Variants in LCLAT1 observed in about 807,000 individuals in gnomAD.
The protein encoded by LCLAT1 is 1-AGP acyltransferase 8.
In LCLAT1, 11 loss-of-function variants were observed where a neutral mutation model predicts 30.7. The ratio of observed to expected loss-of-function variants is 0.36; its 90% CI spans 0.23 to 0.59. The LOEUF is 0.59. Ranked by LOEUF, LCLAT1 falls within the 20% of genes least tolerant of loss-of-function variation. The pLI is 0.77. For synonymous variants in LCLAT1, 155 were observed against 151.3 expected, an observed-to-expected ratio of 1.02 and a Z score of -0.18; for missense variants, 402 against 458.6, an observed-to-expected ratio of 0.88 and a Z score of 1.13.
At chr2:30,518,690 A>T (rs887622105) in intron 1 of LCLAT1, among the ~76,000 whole-genome samples, 7 of 152,052 alleles carry the variant, frequency 4.6e-5, no homozygotes, top group Admixed American at 6.5e-5. Flanking sequence ...CTTATACTCT[A>T]CTTTCCCAAA....
At chr2:30,570,997 A>C (rs1665753915) in intron 5 of LCLAT1, among the ~76,000 whole-genome samples, 1 of 152,200 alleles carries the variant, frequency 6.6e-6, no homozygotes, top group Admixed American at 6.5e-5. Context: ...TAAGACTCAC[A>C]AAGGGGCCCA....
intron 1 of LCLAT1, among the ~76,000 whole-genome samples, chr2:30,454,774 G>C (rs1681741505): frequency 6.6e-6 from 1 of 152,088 alleles, no homozygotes; most frequent in African/African-American, 2.4e-5. Flanking sequence ...TTTTAACATG[G>C]TGATTCATTA....
intron 1 of LCLAT1, among the ~76,000 whole-genome samples, chr2:30,469,320 A>C (rs1428298240): frequency 6.6e-6 from 1 of 151,880 alleles, no homozygotes; most frequent in African/African-American, 2.4e-5. Context: ...TGCCAAATCC[A>C]AGGTTGTGAA....
At chr2:30,598,250 G>C (rs1456016319) in intron 5 of LCLAT1, among the ~76,000 whole-genome samples, 1 of 151,996 alleles carries the variant, frequency 6.6e-6, no homozygotes, top group African/African-American at 2.4e-5. Context: ...GGTAGAATTC[G>C]GCTGTAAATC....
At position 30,621,441 on chromosome 2, in the gene LCLAT1, G is replaced by A. The variant is rs150186670; in HGVS notation, c.629-18676G>A. ...GATGGGGAAAAAATGGCGGGTAGGA[G>A]GCAGAACTAACTCTCAGCTCCGACT... On this transcript the variant is annotated intron_variant, in intron 5 of 5. Coordinates refer to ENST00000379509, the MANE Select transcript of LCLAT1 (RefSeq NM_001002257.3). Among the ~76,000 whole-genome samples, 1,127 of 152,208 alleles carry A rather than the reference G, an allele frequency of 7.4e-3. 12 individuals are homozygous for A. The highest frequency in any genetic ancestry group is 0.012 in the Non-Finnish European group (849 of 68,008).
At chr2:30,628,978 A>C (rs533657852) in intron 5 of LCLAT1, among the ~76,000 whole-genome samples, 1 of 152,216 alleles carries the variant, frequency 6.6e-6, no homozygotes, top group East Asian at 1.9e-4. Context: ...AACACAGTGT[A>C]CAGAGGACTA....
In LCLAT1 at chr2:30,533,133, G is replaced by T. The variant is rs767726974; in HGVS notation, c.183G>T (p.Met61Ile). Reference sequence around the variant, plus strand: ...TTTCTTAGGCATTATTGGAGACCATGTTTGGTGTAAAAGTGATTATAACTG... The same window carrying T: ...TTTCTTAGGCATTATTGGAGACCATTTTTGGTGTAAAAGTGATTATAACTG... Reference protein sequence around the residue: ...LTLPVALLETMFGVKVIITGD... With the variant: ...LTLPVALLETIFGVKVIITGD... Residue 61 changes from methionine to isoleucine, a missense_variant, in exon 3 of 6, where the codon ATG (methionine) becomes ATT (isoleucine). Transcript: ENST00000379509. 6.2e-7 allele frequency: 1 copy of T among 1,613,434 alleles called. No individual in the cohort carries two copies. The highest frequency in any genetic ancestry group is 1.1e-5 in the South Asian group (1 of 91,072).
chr2:30,460,379 G>A (rs1682054960), intron 1 of LCLAT1, among the ~76,000 whole-genome samples: 1 of 152,074 alleles, frequency 6.6e-6, no homozygotes, highest in South Asian at 2.1e-4. Flanking sequence ...TAATTGTCCA[G>A]GCTTGAACCT....
intron 3 of LCLAT1, among the ~76,000 whole-genome samples, chr2:30,540,767 C>T (rs545883056): frequency 2.2e-4 from 33 of 151,814 alleles, no homozygotes; most frequent in Non-Finnish European, 4.1e-4. Flanking sequence ...CGGGTTCAAG[C>T]GATTCTCCTG....
intron 5 of LCLAT1, among the ~76,000 whole-genome samples, chr2:30,618,696 C>A (rs932866653): frequency 1.2e-4 from 18 of 151,986 alleles, no homozygotes; most frequent in Admixed American, 6.6e-5. Flanking sequence ...CACATGTATA[C>A]CCAAAGCTAA....
At chr2:30,556,727 GAGTATTT>G (rs1664935146) in intron 3 of LCLAT1, among the ~76,000 whole-genome samples, 2 of 148,314 alleles carry the variant, frequency 1.3e-5, no homozygotes, top group Admixed American at 1.4e-4. Flanking sequence ...AACAGAAATA[GAGTATTT>G]AGAAAGTCTT....
At chr2:30,571,541 T>A (rs1278952413) in intron 5 of LCLAT1, among the ~76,000 whole-genome samples, 1 of 152,208 alleles carries the variant, frequency 6.6e-6, no homozygotes, top group Non-Finnish European at 1.5e-5. Context: ...GTCTACTGCC[T>A]ACAGTGGAGG....
intron 1 of LCLAT1, among the ~76,000 whole-genome samples, chr2:30,463,986 A>T (rs180968224): frequency 7.9e-4 from 121 of 152,334 alleles, no homozygotes; most frequent in African/African-American, 2.8e-3. Flanking sequence ...GATTAGAATG[A>T]AATTATTGTG....
intron 5 of LCLAT1, among the ~76,000 whole-genome samples, chr2:30,577,138 G>T (rs2363076): frequency 0.58 from 87,144 of 149,572 alleles, 26,521 homozygotes; most frequent in Non-Finnish European, 0.68. Context: ...TATATATTTT[G>T]TCACATAGGC....
chr2:30,564,382 C>T (rs1026843688), intron 4 of LCLAT1, among the ~76,000 whole-genome samples: 3 of 152,010 alleles, frequency 2.0e-5, no homozygotes, highest in Admixed American at 2.0e-4. Context: ...TTAATATGTT[C>T]ATACATTAGA....
At chr2:30,622,793 G>A (rs1330036382) in intron 5 of LCLAT1, among the ~76,000 whole-genome samples, 3 of 152,122 alleles carry the variant, frequency 2.0e-5, no homozygotes, top group Non-Finnish European at 4.4e-5. Context: ...TGGGACAAAA[G>A]AATCTGAACA....
intron 1 of LCLAT1, among the ~76,000 whole-genome samples, chr2:30,496,763 AG>A (rs1327155371): frequency 6.6e-6 from 1 of 152,186 alleles, no homozygotes; most frequent in African/African-American, 2.4e-5. Context: ...ATCTCATTTC[AG>A]TTCCTTGAAC....
intron 1 of LCLAT1, among the ~76,000 whole-genome samples, chr2:30,517,353 G>A (rs546575780): frequency 3.3e-4 from 50 of 152,304 alleles, no homozygotes; most frequent in Middle Eastern, 3.4e-3. Flanking sequence ...AGCCCTCGAC[G>A]TGGGTAGTTA....
chr2:30,585,167 C>T (rs1230814210), intron 5 of LCLAT1, among the ~76,000 whole-genome samples: 1 of 152,120 alleles, frequency 6.6e-6, no homozygotes, highest in African/African-American at 2.4e-5. Context: ...TGTCTCCTGA[C>T]TCCATGCCTC....
Sources: allele counts gnomAD v4.1 joint callset (sites outside exome capture counted in the v4.1 genomes callset), GRCh38; gene constraint gnomAD v4.1.1; transcripts MANE v1.5; gene names NCBI Gene and HGNC (gene_info 2026-07-23, HGNC 2026-07-21).